Variants in PIBF1 observed in about 807,000 individuals in gnomAD.
The protein encoded by PIBF1 is progesterone immunomodulatory binding factor 1.
Under a neutral mutation model 112.5 loss-of-function variants are expected in PIBF1, and 90 were observed. That is an observed-to-expected ratio of 0.80 (90% confidence interval 0.67 to 0.95). The LOEUF (loss-of-function observed/expected upper bound fraction) is 0.95. PIBF1 is among the 40% of genes least tolerant of loss of function. The probability of loss-of-function intolerance (pLI) is 0.00; values close to 1 mark genes in which losing one functional copy is unlikely to be tolerated. For missense variants in PIBF1, 915 were observed against 852.3 expected, an observed-to-expected ratio of 1.07 and a Z score of -0.92; for synonymous variants, 301 against 288.6, an observed-to-expected ratio of 1.04 and a Z score of -0.44.
At chr13:72,857,544 T>A (rs1287190054) in intron 10 of PIBF1, among the ~76,000 whole-genome samples, 1 of 152,162 alleles carries the variant, frequency 6.6e-6, no homozygotes, top group African/African-American at 2.4e-5. Flanking sequence ...ATATTAAAAT[T>A]ATACCTATTT....
intron 13 of PIBF1, among the ~76,000 whole-genome samples, chr13:72,918,729 G>A (rs1320162100): frequency 5.8e-5 from 8 of 138,380 alleles, no homozygotes; most frequent in African/African-American, 2.2e-4. Flanking sequence ...TTTTGAGACA[G>A]AGACTCACTG....
At chr13:72,996,433 CAAT>C (rs919991180) in intron 16 of PIBF1, among the ~76,000 whole-genome samples, 2 of 152,006 alleles carry the variant, frequency 1.3e-5, no homozygotes, top group African/African-American at 4.8e-5. Flanking sequence ...TAAGTTTAAA[CAAT>C]AATAATGTCA....
At chr13:72,952,614 T>C (rs1484619821) in intron 14 of PIBF1, among the ~76,000 whole-genome samples, 1 of 147,778 alleles carries the variant, frequency 6.8e-6, no homozygotes, top group African/African-American at 2.5e-5. Context: ...AAGGAACTTA[T>C]TTATTTCTAA....
At chr13:72,892,240 A>G (rs949167733) in intron 10 of PIBF1, among the ~76,000 whole-genome samples, 11 of 152,164 alleles carry the variant, frequency 7.2e-5, no homozygotes, top group Admixed American at 2.0e-4. Context: ...TTTTAATAAA[A>G]TTGTAAAAAG....
Position 72,992,831 on chromosome 13 carries a change from A to G in PIBF1, c.2050-5991A>G, listed in dbSNP as rs112419519. 6.4e-3 allele frequency among the ~76,000 whole-genome samples: 972 copies of G among 152,154 alleles called. 19 individuals are homozygous for G. Among genetic ancestry groups the G allele is most frequent in the African/African-American group, 0.022 (910 of 41,504 alleles). On this transcript the variant is annotated intron_variant, in intron 16 of 17. Transcript: ENST00000326291. ...GAAAAAATAAAAAAGGCCATAAGGCAGAAAGAAAACATGTGAGCTGGTCCT... is the reference window on the plus strand; with the variant it reads ...GAAAAAATAAAAAAGGCCATAAGGCGGAAAGAAAACATGTGAGCTGGTCCT...
intron 6 of PIBF1, among the ~76,000 whole-genome samples, chr13:72,822,754 C>T (rs9600027): frequency 9.2e-4 from 140 of 152,152 alleles, no homozygotes; most frequent in Non-Finnish European, 1.6e-3. Flanking sequence ...TGCATAATAC[C>T]GTATGTGAAT....
At chr13:72,935,869 T>A (rs1258947542) in intron 14 of PIBF1, among the ~76,000 whole-genome samples, 1 of 152,132 alleles carries the variant, frequency 6.6e-6, no homozygotes, top group Non-Finnish European at 1.5e-5. Context: ...TTTGTCTGTT[T>A]TATCAGGTTG....
Position 72,811,835 on chromosome 13 carries a change from A to T in PIBF1, c.673-10014A>T, listed in dbSNP as rs1395039209. ...AATAATACAAATGGCTTACGATAAA[A>T]GTGCATGAGGGAAAAAAAATTCATG... On this transcript the variant is annotated intron_variant, in intron 5 of 17. Coordinates refer to ENST00000326291, the MANE Select transcript of PIBF1 (RefSeq NM_006346.4). Among the ~76,000 whole-genome samples the T allele has an allele frequency of 3.3e-5, 5 of 152,278 alleles. No individual in the cohort carries two copies. The South Asian group carries it at 1.0e-3, about 32-fold the overall frequency.
chr13:72,817,253 A>G (rs963682405), intron 5 of PIBF1, among the ~76,000 whole-genome samples: 5 of 152,184 alleles, frequency 3.3e-5, no homozygotes, highest in African/African-American at 1.2e-4. Context: ...CTCAGTTTAC[A>G]TCATGGGAGA....
chr13:72,804,214 A>G (rs2035617221), intron 5 of PIBF1, among the ~76,000 whole-genome samples: 1 of 152,156 alleles, frequency 6.6e-6, no homozygotes, highest in Non-Finnish European at 1.5e-5. Context: ...AAAAAATAAT[A>G]TATTTTCCTC....
At chr13:72,921,147 G>T (rs1246358949) in intron 13 of PIBF1, among the ~76,000 whole-genome samples, 1 of 152,004 alleles carries the variant, frequency 6.6e-6, no homozygotes, top group African/African-American at 2.4e-5. Context: ...CTGTCACCCA[G>T]GCTGGAGTGC....
At chr13:72,810,546 T>C (rs2138057904) in intron 5 of PIBF1, among the ~76,000 whole-genome samples, 1 of 152,324 alleles carries the variant, frequency 6.6e-6, no homozygotes. Flanking sequence ...ATTTTATTTG[T>C]ATGAAAATGA....
intron 16 of PIBF1, among the ~76,000 whole-genome samples, chr13:72,981,245 C>CT (rs964412605): frequency 1.5e-4 from 23 of 151,006 alleles, no homozygotes; most frequent in African/African-American, 5.6e-4. Context: ...GAGCAAGACT[C>CT]TGTCTCAAAA....
chr13:72,782,171 GTCC>G lies in PIBF1; in HGVS notation c.-221_-219del, dbSNP rs1446239291. 2.3e-5 allele frequency: 6 copies of G among 264,666 alleles called. No homozygotes were observed. Among genetic ancestry groups the G allele is most frequent in the African/African-American group, 6.6e-5 (3 of 45,644 alleles). The allele number at this position is 264,666 out of a possible 1,614,324, so 16.4% of individuals were successfully genotyped here. A position where few individuals can be genotyped will look rare whatever the true frequency, so the allele number is the denominator to read the frequency against. The stretch of plus-strand genomic sequence containing the variant: ...GGCGGCTTGTGGGAGTGCTGGTTCT[GTCC>G]TCCTTGCGGGTGCGGAGATGGTTGT... On this transcript the variant is annotated 5_prime_UTR_variant, in exon 1 of 18. Transcript: ENST00000326291.
chr13:72,852,651 A>G (rs1033666128), intron 9 of PIBF1, among the ~76,000 whole-genome samples: 2 of 152,230 alleles, frequency 1.3e-5, no homozygotes, highest in Non-Finnish European at 2.9e-5. Flanking sequence ...ATCCTGTGAC[A>G]GCACCACCAT....
chr13:72,832,924 T>C (rs1211209913), intron 8 of PIBF1, among the ~76,000 whole-genome samples: 1 of 152,152 alleles, frequency 6.6e-6, no homozygotes, highest in Admixed American at 6.5e-5. Context: ...TATTTTTGTC[T>C]TTTCACGTAG....
intron 5 of PIBF1, among the ~76,000 whole-genome samples, chr13:72,808,782 T>C (rs1328531825): frequency 6.6e-6 from 1 of 152,152 alleles, no homozygotes; most frequent in Non-Finnish European, 1.5e-5. Flanking sequence ...CTCATGCACC[T>C]TGATCCATCC....
At chr13:72,878,334 T>G (rs1241758240) in intron 10 of PIBF1, among the ~76,000 whole-genome samples, 2 of 152,204 alleles carry the variant, frequency 1.3e-5, no homozygotes. Context: ...TTCCACAAGT[T>G]GTATTTTTAT....
At chr13:72,847,774 T>TGATAAAG (rs781522205) in intron 9 of PIBF1, among the ~76,000 whole-genome samples, 49 of 152,340 alleles carry the variant, frequency 3.2e-4, no homozygotes, top group Middle Eastern at 3.4e-3. Flanking sequence ...TTTTCAGTCA[T>TGATAAAG]CTATGATAAA....
Sources: allele counts gnomAD v4.1 joint callset (sites outside exome capture counted in the v4.1 genomes callset), GRCh38; gene constraint gnomAD v4.1.1; transcripts MANE v1.5; gene names NCBI Gene and HGNC (gene_info 2026-07-23, HGNC 2026-07-21).